Variants in SLC35D4 observed in about 807,000 individuals in gnomAD.
SLC35D4 encodes the protein UDP-N-acetylglucosamine transporter SLC35D4.
At chr18:23,377,599 G>T in the SLC35D4 span, 6 of 1,549,088 alleles carry the variant, frequency 3.9e-6, no homozygotes, top group African/African-American at 1.4e-5. Flanking sequence ...TTAAAAATAG[G>T]TTAAATCTTA....
chr18:23,371,935 G>GATTTTTTTTT, the SLC35D4 span, among the ~76,000 whole-genome samples: 1 of 35,480 alleles, frequency 2.8e-5, no homozygotes. Context: ...TGTTTTTTTT[G>GATTTTTTTTT]TTTTTTTTTT....
the SLC35D4 span, among the ~76,000 whole-genome samples, chr18:23,429,275 T>C: frequency 6.6e-6 from 1 of 152,244 alleles, no homozygotes; most frequent in Non-Finnish European, 1.5e-5. Flanking sequence ...TCCAAACTGC[T>C]TTCCATAGGG....
chr18:23,414,059 A>T, the SLC35D4 span, among the ~76,000 whole-genome samples: 1 of 151,046 alleles, frequency 6.6e-6, no homozygotes, highest in African/African-American at 2.4e-5. Context: ...GTTCCAGACC[A>T]GCCTGGCCAA....
At chr18:23,242,266 G>A in the SLC35D4 span, among the ~76,000 whole-genome samples, 150 of 152,186 alleles carry the variant, frequency 9.9e-4, 1 homozygote, top group Non-Finnish European at 1.6e-3. Context: ...TGACGAGAAT[G>A]AAACTCTGTC....
chr18:23,355,798 G>A, the SLC35D4 span, among the ~76,000 whole-genome samples: 1 of 152,058 alleles, frequency 6.6e-6, no homozygotes, highest in Non-Finnish European at 1.5e-5. Flanking sequence ...TCATCATAAT[G>A]ACCACCATTT....
At chr18:23,368,482 C>A in the SLC35D4 span, among the ~76,000 whole-genome samples, 1 of 152,176 alleles carries the variant, frequency 6.6e-6, no homozygotes, top group Non-Finnish European at 1.5e-5. Flanking sequence ...ACAGATGCCA[C>A]GTCCCGGAGA....
At chr18:23,386,871 G>A in the SLC35D4 span, among the ~76,000 whole-genome samples, 1 of 152,148 alleles carries the variant, frequency 6.6e-6, no homozygotes, top group Non-Finnish European at 1.5e-5. Context: ...GACAAGGTGA[G>A]GGGGGAGAAT....
chr18:23,243,974 C>T, the SLC35D4 span, among the ~76,000 whole-genome samples: 4 of 152,108 alleles, frequency 2.6e-5, no homozygotes, highest in South Asian at 2.1e-4. Flanking sequence ...TTTTGACAGT[C>T]GCTTCGTGAT....
chr18:23,256,550 G>A, the SLC35D4 span, among the ~76,000 whole-genome samples: 1 of 152,030 alleles, frequency 6.6e-6, no homozygotes, highest in East Asian at 1.9e-4. Flanking sequence ...GCACAATCTT[G>A]ACTCACTGCA....
chr18:23,312,242 C>T, the SLC35D4 span, among the ~76,000 whole-genome samples: 1 of 152,188 alleles, frequency 6.6e-6, no homozygotes, highest in Non-Finnish European at 1.5e-5. Flanking sequence ...CCTCCGTGAG[C>T]CTCTTTAGCT....
At chr18:23,243,894 A>T in the SLC35D4 span, among the ~76,000 whole-genome samples, 1 of 151,436 alleles carries the variant, frequency 6.6e-6, no homozygotes, top group Non-Finnish European at 1.5e-5. Context: ...AAAAAAACTA[A>T]TACAAAACAA....
the SLC35D4 span, among the ~76,000 whole-genome samples, chr18:23,247,120 A>G: frequency 6.6e-6 from 1 of 152,226 alleles, no homozygotes; most frequent in African/African-American, 2.4e-5. Context: ...CCGTGGCTCA[A>G]TCTCCTAGTA....
chr18:23,269,549 A>G, the SLC35D4 span, among the ~76,000 whole-genome samples: 1 of 152,342 alleles, frequency 6.6e-6, no homozygotes, highest in African/African-American at 2.4e-5. Flanking sequence ...TAAGATACCG[A>G]AAAATGTGGA....
the SLC35D4 span, among the ~76,000 whole-genome samples, chr18:23,308,847 T>TC: frequency 5.2e-4 from 70 of 134,516 alleles, no homozygotes; most frequent in African/African-American, 1.9e-3. Context: ...CAGCACGTGT[T>TC]TTCTCTCTCT....
the SLC35D4 span, among the ~76,000 whole-genome samples, chr18:23,263,885 G>A: frequency 6.6e-6 from 1 of 152,196 alleles, no homozygotes; most frequent in Non-Finnish European, 1.5e-5. Context: ...CAGAGCACAG[G>A]CCCTAGTCAG....
chr18:23,335,946 C>T, the SLC35D4 span, among the ~76,000 whole-genome samples: 6 of 152,020 alleles, frequency 3.9e-5, no homozygotes, highest in South Asian at 6.2e-4. Flanking sequence ...GATAAATGAG[C>T]GAATTCATTC....
the SLC35D4 span, among the ~76,000 whole-genome samples, chr18:23,360,905 CAGCCTG>C: frequency 6.6e-6 from 1 of 151,706 alleles, no homozygotes; most frequent in Non-Finnish European, 1.5e-5. Flanking sequence ...AGTTCAAGAC[CAGCCTG>C]ACCAACATGG....
the SLC35D4 span, among the ~76,000 whole-genome samples, chr18:23,306,426 C>T: frequency 6.6e-6 from 1 of 152,088 alleles, no homozygotes; most frequent in Non-Finnish European, 1.5e-5. Flanking sequence ...CCTGCCTCAG[C>T]CTCCCTAGTA....
the SLC35D4 span, among the ~76,000 whole-genome samples, chr18:23,437,165 G>A: frequency 6.6e-6 from 1 of 152,112 alleles, no homozygotes; most frequent in Admixed American, 6.5e-5. Context: ...CCCCAAAGCT[G>A]GCACCACTGC....
Sources: allele counts gnomAD v4.1 joint callset (sites outside exome capture counted in the v4.1 genomes callset), GRCh38; gene constraint gnomAD v4.1.1; transcripts MANE v1.5; gene names NCBI Gene and HGNC (gene_info 2026-07-23, HGNC 2026-07-21).